Variants in CNTLN observed in about 807,000 individuals in gnomAD.
The protein encoded by CNTLN is centlein.
A neutral mutation model predicts 180.0 loss-of-function variants in CNTLN; 212 were observed. The observed-to-expected ratio is 1.18, with a 90% CI of 1.05 to 1.32. The LOEUF (loss-of-function observed/expected upper bound fraction) is 1.32. CNTLN is among the 40% of genes most tolerant of loss of function. The probability of loss-of-function intolerance (pLI) is 0.00; values close to 1 mark genes in which losing one functional copy is unlikely to be tolerated. For missense variants in CNTLN, 2,095 were observed against 1,610.9 expected (o/e 1.30, Z -5.14); for synonymous variants, 722 against 563.1 (o/e 1.28, Z -3.99).
In CNTLN at chr9:17,218,918, C is replaced by T. The variant is rs139477991; in HGVS notation, c.450-7285C>T. Among the ~76,000 whole-genome samples, 21 of 152,098 alleles carry T rather than the reference C, an allele frequency of 1.4e-4. 1 individual carries two copies. The East Asian group carries it at 4.1e-3, about 29-fold the overall frequency. On this transcript the variant is annotated intron_variant, in intron 2 of 25. Coordinates refer to ENST00000380647, the MANE Select transcript of CNTLN (RefSeq NM_017738.4). ...GTATAATATATGGCATGGTCTATAACATAATAAAATTTTGTTTCTTAATGA... is the reference window on the plus strand; with the variant it reads ...GTATAATATATGGCATGGTCTATAATATAATAAAATTTTGTTTCTTAATGA...
intron 2 of CNTLN, among the ~76,000 whole-genome samples, 189 bp downstream of exon 2, chr9:17,143,565 G>T (rs1295021370): frequency 6.6e-6 from 1 of 152,208 alleles, no homozygotes; most frequent in African/African-American, 2.4e-5. Flanking sequence ...GGTATGCCCT[G>T]TTCCTGTTCA....
intron 11 of CNTLN, among the ~76,000 whole-genome samples, chr9:17,341,865 C>G (rs1587710126): frequency 6.6e-6 from 1 of 152,052 alleles, no homozygotes; most frequent in Non-Finnish European, 1.5e-5. Context: ...CTCTGTTCAC[C>G]CAGCTTAACT....
At chr9:17,380,607 T>C (rs900506667) in intron 13 of CNTLN, among the ~76,000 whole-genome samples, 6 of 152,318 alleles carry the variant, frequency 3.9e-5, no homozygotes, top group Non-Finnish European at 5.9e-5. Flanking sequence ...TAATTACCTA[T>C]GACCAAGCCT....
intron 5 of CNTLN, among the ~76,000 whole-genome samples, chr9:17,255,929 G>A (rs567006046): frequency 8.6e-5 from 13 of 151,956 alleles, no homozygotes; most frequent in Middle Eastern, 3.4e-3. Flanking sequence ...TATCCAATGT[G>A]TTAGAATACA....
At chr9:17,299,165 C>A (rs1362078940) in intron 7 of CNTLN, 1 of 170,556 alleles carries the variant, frequency 5.9e-6, no homozygotes, top group Non-Finnish European at 1.1e-5. Context: ...ATCACTTGAA[C>A]CTGGGAGGCG....
chr9:17,494,833 A>G (rs1322459389), intron 25 of CNTLN: 5 of 393,042 alleles, frequency 1.3e-5, no homozygotes, highest in Admixed American at 1.3e-4. Context: ...CTCAATAATG[A>G]TAATAAATGT....
intron 18 of CNTLN, chr9:17,447,345 C>T: frequency 5.0e-6 from 1 of 199,680 alleles, no homozygotes; most frequent in South Asian, 1.0e-4. Flanking sequence ...GTTGAGGTTG[C>T]AGAGGTTTCC....
chr9:17,427,886 G>A (rs2133963645), intron 18 of CNTLN, among the ~76,000 whole-genome samples: 1 of 152,156 alleles, frequency 6.6e-6, no homozygotes, highest in East Asian at 1.9e-4. Flanking sequence ...GCATTGCTTG[G>A]GTATCTTCTG....
intron 2 of CNTLN, among the ~76,000 whole-genome samples, chr9:17,200,587 T>A (rs1822454018): frequency 6.6e-6 from 1 of 152,140 alleles, no homozygotes; most frequent in Non-Finnish European, 1.5e-5. Flanking sequence ...TATTTTATTT[T>A]CTTTGTAGCA....
In CNTLN at chr9:17,457,575, A is replaced by G. The variant is rs779110956; in HGVS notation, c.3166A>G (p.Lys1056Glu). 6.5e-7 allele frequency: 1 copy of G among 1,538,922 alleles called. No individual in the cohort carries two copies. The highest frequency in any genetic ancestry group is 1.3e-5 in the South Asian group (1 of 76,314). ...TCGGAAAGAAAAAGAAGATTTACTAAAGAAATTGGAGTCCTCATCTGAAAT... is the reference window on the plus strand; with the variant it reads ...TCGGAAAGAAAAAGAAGATTTACTAGAGAAATTGGAGTCCTCATCTGAAAT... ...GLRKEKEDLL[K>E]KLESSSEITS... Residue 1056 changes from lysine to glutamate, a missense_variant, in exon 19 of 26, where the codon AAG (lysine) becomes GAG (glutamate). Lys to Glu is a moderately conservative substitution (Grantham distance 56, BLOSUM62 1). Coordinates refer to ENST00000380647, the MANE Select transcript of CNTLN (RefSeq NM_017738.4).
chr9:17,325,748 G>A (rs1427015945), intron 8 of CNTLN, among the ~76,000 whole-genome samples: 4 of 151,964 alleles, frequency 2.6e-5, no homozygotes. Context: ...GTGAGATAAT[G>A]TATGCAAAAT....
At chr9:17,419,242 G>T (rs1017693784) in intron 18 of CNTLN, among the ~76,000 whole-genome samples, 1 of 152,072 alleles carries the variant, frequency 6.6e-6, no homozygotes, top group African/African-American at 2.4e-5. Flanking sequence ...ATTCCCAAAA[G>T]CAGGTACTGT....
chr9:17,410,941 A>G (rs542532572), intron 16 of CNTLN, among the ~76,000 whole-genome samples: 6 of 152,140 alleles, frequency 3.9e-5, no homozygotes, highest in African/African-American at 1.4e-4. Flanking sequence ...ATGTTGAACA[A>G]GTTTCCCACC....
chr9:17,395,904 G>A (rs562475833), intron 15 of CNTLN, among the ~76,000 whole-genome samples: 1 of 152,180 alleles, frequency 6.6e-6, no homozygotes, highest in Non-Finnish European at 1.5e-5. Context: ...AGATGGTTAA[G>A]GCATTCTAAG....
intron 20 of CNTLN, among the ~76,000 whole-genome samples, chr9:17,463,992 C>G (rs1831601512): frequency 6.6e-6 from 1 of 151,426 alleles, no homozygotes; most frequent in African/African-American, 2.4e-5. Context: ...CCATTTTATA[C>G]TTAATAGTTC....
intron 7 of CNTLN, among the ~76,000 whole-genome samples, chr9:17,302,740 G>A (rs1416057595): frequency 2.6e-5 from 4 of 152,070 alleles, no homozygotes; most frequent in Non-Finnish European, 4.4e-5. Flanking sequence ...TATTACTCTA[G>A]TCCATTTAAT....
chr9:17,235,547 T>A (rs1215190971), intron 3 of CNTLN, 111 bp from the exon 4 acceptor site: 7 of 845,354 alleles, frequency 8.3e-6, no homozygotes, highest in Admixed American at 6.2e-5. Flanking sequence ...GACATTATTA[T>A]GAAAGCTATT....
chr9:17,136,404 A>G (rs1429099737), intron 1 of CNTLN, among the ~76,000 whole-genome samples: 3 of 152,210 alleles, frequency 2.0e-5, no homozygotes, highest in African/African-American at 7.2e-5. Flanking sequence ...GTCTCAGCTC[A>G]CTGCAAGCTC....
intron 13 of CNTLN, among the ~76,000 whole-genome samples, chr9:17,384,643 C>G (rs958519397): frequency 6.6e-6 from 1 of 152,098 alleles, no homozygotes; most frequent in Admixed American, 6.6e-5. Flanking sequence ...GAGATGGGTT[C>G]TAATTATAGT....
Sources: allele counts gnomAD v4.1 joint callset (sites outside exome capture counted in the v4.1 genomes callset), GRCh38; gene constraint gnomAD v4.1.1; transcripts MANE v1.5; gene names NCBI Gene and HGNC (gene_info 2026-07-23, HGNC 2026-07-21).